Variants in CHD9 observed in about 807,000 individuals in gnomAD.
CHD9 encodes the protein chromodomain helicase DNA binding protein 9, also known as ATP-dependent chromatin remodeler CHD9.
A neutral mutation model predicts 316.1 loss-of-function variants in CHD9; 77 were observed. The ratio of observed to expected loss-of-function variants is 0.24; its 90% CI spans 0.20 to 0.29. The LOEUF is 0.29. Among genes scored for constraint, CHD9 ranks in the 10% least tolerant of loss-of-function variants. The pLI is 1.00. For synonymous variants in CHD9, 1,129 were observed against 1,158.3 expected, an observed-to-expected ratio of 0.97 and a Z score of 0.51; for missense variants, 2,763 against 3,438.1, an observed-to-expected ratio of 0.80 and a Z score of 4.91.
chr16:53,250,056 A>G lies in CHD9; in HGVS notation c.3851A>G (p.Asn1284Ser). 1 of 1,606,524 alleles carries G rather than the reference A, an allele frequency of 6.2e-7. No homozygotes were observed. Among genetic ancestry groups the G allele is most frequent in the Non-Finnish European group, 8.5e-7 (1 of 1,176,600 alleles). ...TTTGATTCTGATTGGAATCCTCAGA[A>G]TGATCTTCAGGTAAATAATTTCCTT... is the stretch of plus-strand genomic sequence containing the variant. The part of the protein sequence containing the change: ...IIFDSDWNPQ[N>S]DLQAQARCHR... Residue 1284 changes from asparagine to serine, a missense_variant, in exon 17 of 39, where the codon AAT becomes AGT. By Grantham distance (46) the Asn-to-Ser change is conservative. Coordinates refer to ENST00000447540, the MANE Select transcript of CHD9 (RefSeq NM_001308319.2).
rs188849918 is a variant in CHD9 at position 53,293,007 on chromosome 16, C to G, written c.5465C>G (p.Ala1822Gly). 13 of 1,613,656 alleles carry G rather than the reference C, an allele frequency of 8.1e-6. No individual in the cohort carries two copies. The highest frequency in any genetic ancestry group is 1.1e-5 in the Non-Finnish European group (13 of 1,179,806). ...GTAATGCAGCCTATTTATGAGGAAG[C>G]CACTCTTAATCCTAAAATGGCAGCC... ...TSVMQPIYEEATLNPKMAAKI... is the reference protein window; with the variant it reads ...TSVMQPIYEEGTLNPKMAAKI... Residue 1822 changes from alanine (A) to glycine (G), a missense_variant, in exon 29 of 39, where the codon GCC becomes GGC. Ala to Gly is a moderately conservative substitution (Grantham distance 60, BLOSUM62 0). This residue lies in a region of CHD9 where 183 missense variants were observed against 258.5 expected (regional missense o/e 0.71). Transcript: ENST00000447540.
chr16:53,141,908 AT>A (rs2040143719), intron 1 of CHD9, among the ~76,000 whole-genome samples: 3 of 152,166 alleles, frequency 2.0e-5, no homozygotes, highest in African/African-American at 7.2e-5. Flanking sequence ...GAACATATTA[AT>A]GGAGGTGTGA....
intron 1 of CHD9, among the ~76,000 whole-genome samples, chr16:53,133,446 G>GA (rs112447129): frequency 9.3e-5 from 14 of 149,840 alleles, no homozygotes; most frequent in East Asian, 1.9e-4. Context: ...TCTCTATTAA[G>GA]AAAAAAAAAA....
intron 2 of CHD9, among the ~76,000 whole-genome samples, chr16:53,158,696 G>A (rs1305760052): frequency 6.6e-6 from 1 of 151,870 alleles, no homozygotes; most frequent in Non-Finnish European, 1.5e-5. Flanking sequence ...AAGTGCAGTG[G>A]CACCATCAGG....
intron 1 of CHD9, among the ~76,000 whole-genome samples, chr16:53,136,642 C>CT (rs1480786476): frequency 6.6e-6 from 1 of 151,298 alleles, no homozygotes; most frequent in African/African-American, 2.4e-5. Flanking sequence ...TACAGAGAAA[C>CT]TGAGTTGCCC....
At chr16:53,080,884 C>T (rs1039191118) in intron 1 of CHD9, among the ~76,000 whole-genome samples, 6 of 152,164 alleles carry the variant, frequency 3.9e-5, no homozygotes, top group African/African-American at 1.2e-4. Context: ...ATAACATGCC[C>T]GGCTCTGGGG....
At chr16:53,307,114 G>A (rs758152288) in intron 32 of CHD9, among the ~76,000 whole-genome samples, 5 of 151,998 alleles carry the variant, frequency 3.3e-5, no homozygotes, top group Non-Finnish European at 7.4e-5. Flanking sequence ...GACTAGTGCT[G>A]GAATACTTAC....
rs145132401 is a variant in CHD9, at chr16:53,091,532, T to G, written c.-165+36455T>G. 8.4e-4 allele frequency among the ~76,000 whole-genome samples: 128 copies of G among 152,284 alleles called. 1 individual carries two copies. The highest frequency in any genetic ancestry group is 1.7e-3 in the Non-Finnish European group (115 of 68,016). On this transcript the variant is annotated intron_variant, in intron 1 of 38. Coordinates refer to ENST00000447540, the MANE Select transcript of CHD9 (RefSeq NM_001308319.2). ...AGGGAGGAGGCGAACGCCGTCTCCT[T>G]TTGCTCATCCCACCTCCCAAATTAG... is the stretch of plus-strand genomic sequence containing the variant.
intron 1 of CHD9, among the ~76,000 whole-genome samples, chr16:53,088,878 C>G (rs2035695436): frequency 6.6e-6 from 1 of 151,970 alleles, no homozygotes; most frequent in South Asian, 2.1e-4. Context: ...CTTTGAGAGG[C>G]TGAGGCAGGC....
chr16:53,220,410 A>G (rs1175218151), intron 3 of CHD9, among the ~76,000 whole-genome samples: 1 of 152,150 alleles, frequency 6.6e-6, no homozygotes, highest in Non-Finnish European at 1.5e-5. Flanking sequence ...TGTTGGTTCT[A>G]CTTCCACAAT....
intron 24 of CHD9, among the ~76,000 whole-genome samples, chr16:53,284,577 T>C (rs2053696009): frequency 6.6e-6 from 1 of 152,144 alleles, no homozygotes; most frequent in African/African-American, 2.4e-5. Flanking sequence ...AAAATAATAA[T>C]TTCAAGTGAC....
chr16:53,221,443 A>G (rs1336141260), intron 3 of CHD9, among the ~76,000 whole-genome samples: 1 of 152,182 alleles, frequency 6.6e-6, no homozygotes, highest in African/African-American at 2.4e-5. Flanking sequence ...TCATACCTGA[A>G]AGTATTGGGG....
rs936503050 is a variant in CHD9, at chr16:53,327,098, G to A, written c.*2203G>A. The A allele has an allele frequency of 6.6e-6, 1 of 152,278 alleles. No homozygotes were observed. The highest frequency in any genetic ancestry group is 1.5e-5 in the Non-Finnish European group (1 of 67,912). The allele number at this position is 152,278 out of a possible 1,614,324, so 9.4% of individuals were successfully genotyped here. A position where few individuals can be genotyped will look rare whatever the true frequency, so the allele number is the denominator to read the frequency against. ...AGACACTTCTATTTAATATTCATTGGGGAAAAGTTGTCCAGCTATCAGCTA... is the reference window on the plus strand; with the variant it reads ...AGACACTTCTATTTAATATTCATTGAGGAAAAGTTGTCCAGCTATCAGCTA... On this transcript the variant is annotated 3_prime_UTR_variant, in exon 39 of 39. Coordinates refer to ENST00000447540, the MANE Select transcript of CHD9 (RefSeq NM_001308319.2).
intron 2 of CHD9, among the ~76,000 whole-genome samples, chr16:53,204,023 C>CAAAAAAAAAAA (rs530552464): frequency 2.1e-5 from 1 of 48,342 alleles, no homozygotes; most frequent in African/African-American, 8.6e-5. Flanking sequence ...GACTCCATCT[C>CAAAAAAAAAAA]AAAAAAAAAA....
chr16:53,136,777 T>A (rs2039745607), intron 1 of CHD9, among the ~76,000 whole-genome samples: 1 of 152,180 alleles, frequency 6.6e-6, no homozygotes, highest in Admixed American at 6.5e-5. Context: ...TCAGTATTGT[T>A]ATTGGCACCC....
At chr16:53,257,285 A>C (rs1204392284) in intron 19 of CHD9, among the ~76,000 whole-genome samples, 1 of 152,172 alleles carries the variant, frequency 6.6e-6, no homozygotes, top group East Asian at 1.9e-4. Context: ...CCAAATTGTG[A>C]AGGGCTTTAT....
chr16:53,321,658 A>G (rs1351198265), intron 38 of CHD9, 28 bp downstream of exon 38: 2 of 1,209,688 alleles, frequency 1.7e-6, no homozygotes, highest in Non-Finnish European at 2.3e-6. Context: ...ACTAACTCAT[A>G]CATTATTTTC....
At chr16:53,282,580 C>T (rs2053508056) in intron 24 of CHD9, among the ~76,000 whole-genome samples, 1 of 152,142 alleles carries the variant, frequency 6.6e-6, no homozygotes, top group African/African-American at 2.4e-5. Context: ...GCACACCAGC[C>T]TGGGTGACAG....
rs1430549442 is a variant in CHD9 at position 53,257,027 on chromosome 16, T to A, written c.4209+1248T>A. On this transcript the variant is annotated intron_variant, in intron 19 of 38. Coordinates refer to ENST00000447540, the MANE Select transcript of CHD9 (RefSeq NM_001308319.2). ...AAGGATTATAGTTGCTGAAAAAAAATAAAGTAGGAGATTATTAATTCTGTA... is the reference window on the plus strand; with the variant it reads ...AAGGATTATAGTTGCTGAAAAAAAAAAAAGTAGGAGATTATTAATTCTGTA... Among the ~76,000 whole-genome samples, 3 of 152,042 alleles carry A rather than the reference T, an allele frequency of 2.0e-5. No homozygotes were observed. In the East Asian group the frequency reaches 5.8e-4, roughly 29 times the overall value.
Sources: gnomAD v4.1 joint callset for allele counts (sites outside exome capture counted in the v4.1 genomes callset) on GRCh38, gnomAD v4.1.1 for gene constraint, gnomAD v4.1.1 regional missense constraint, MANE v1.5 for transcripts, NCBI Gene and HGNC (gene_info 2026-07-23, HGNC 2026-07-21) for gene names.